Variants in DCAF10 observed in about 807,000 individuals in gnomAD.
DCAF10 encodes DDB1- and CUL4-associated factor 10.
In DCAF10, 19 loss-of-function variants were observed where a neutral mutation model predicts 51.9. The ratio of observed to expected loss-of-function variants is 0.37; its 90% confidence interval spans 0.26 to 0.54. The LOEUF (loss-of-function observed/expected upper bound fraction) is 0.54, where lower values mean the gene tolerates loss of function less well. DCAF10 is among the 20% of genes least tolerant of loss of function. The probability of loss-of-function intolerance (pLI) is 0.87; values close to 1 mark genes in which losing one functional copy is unlikely to be tolerated. For missense variants in DCAF10, 510 were observed against 730.6 expected, an observed-to-expected ratio of 0.70 and a Z score of 3.48; for synonymous variants, 291 against 297.1, an observed-to-expected ratio of 0.98 and a Z score of 0.21.
Position 37,861,117 on chromosome 9 carries a change from T to G in DCAF10, c.1312-23T>G, listed in dbSNP as rs1831001547. On this transcript the variant is annotated intron_variant, in intron 6 of 6. Transcript: ENST00000377724. The surrounding 1 kb of genome is among the most constrained non-coding windows in gnomAD (Gnocchi z 4.9). ...ACTATTTGGGCTCTGTAACCTTGGT[T>G]TGTCTCCCTTCTCTCCCCCTAGTGT... The G allele has an allele frequency of 2.5e-6, 4 of 1,582,970 alleles. No homozygotes were observed. The African/African-American group carries it at 4.0e-5, about 16-fold the overall frequency.
chr9:37,837,579 T>C (rs1406303674), intron 2 of DCAF10, among the ~76,000 whole-genome samples: 1 of 152,130 alleles, frequency 6.6e-6, no homozygotes, highest in African/African-American at 2.4e-5. Flanking sequence ...TGTTAGGAGA[T>C]GTCTGCTTTT....
chr9:37,801,469 C>T lies in DCAF10; in HGVS notation c.539+64C>T. 4 of 1,353,036 alleles carry T rather than the reference C, an allele frequency of 3.0e-6. No homozygotes were observed. Among genetic ancestry groups the T allele is most frequent in the Non-Finnish European group, 3.8e-6 (4 of 1,051,908 alleles). 83.8% of individuals were successfully genotyped at this position (1,353,036 alleles called of 1,614,324 possible). ...CCCGGCTCTGCTGCCAGCGGACGGCCGTCCTGGGCTCGCTCCCCGCGCCCG... is the reference window on the plus strand; with the variant it reads ...CCCGGCTCTGCTGCCAGCGGACGGCTGTCCTGGGCTCGCTCCCCGCGCCCG... On this transcript the variant is annotated intron_variant, in intron 1 of 6. Transcript: ENST00000377724. The surrounding 1 kb of genome is among the most constrained non-coding windows in gnomAD (Gnocchi z 5.5).
chr9:37,806,477 CT>C (rs1259094765), intron 1 of DCAF10, among the ~76,000 whole-genome samples: 2 of 152,180 alleles, frequency 1.3e-5, no homozygotes, highest in Non-Finnish European at 2.9e-5. Context: ...TCTGGCTTCC[CT>C]AAGAGTAGGG....
chr9:37,816,659 G>GGGGGTGTGTGTGT (rs372664140), intron 1 of DCAF10, among the ~76,000 whole-genome samples: 1 of 144,890 alleles, frequency 6.9e-6, no homozygotes, highest in African/African-American at 2.5e-5. Flanking sequence ...CTGCACCTGG[G>GGGGGTGTGTGTGT]GTGTGTGTGT....
intron 2 of DCAF10, among the ~76,000 whole-genome samples, chr9:37,820,893 A>T (rs2119059986): frequency 1.3e-5 from 2 of 152,290 alleles, no homozygotes; most frequent in South Asian, 4.1e-4. Flanking sequence ...ACTTTATTTT[A>T]AAAAATAAAT....
intron 3 of DCAF10, among the ~76,000 whole-genome samples, chr9:37,850,324 G>A (rs1830596000): frequency 6.6e-6 from 1 of 152,120 alleles, no homozygotes; most frequent in Non-Finnish European, 1.5e-5. Flanking sequence ...AAAGATATCT[G>A]CACTCTCATG....
At chr9:37,860,564 C>G (rs981978087) in intron 6 of DCAF10, 1 of 183,080 alleles carries the variant, frequency 5.5e-6, no homozygotes, top group Non-Finnish European at 1.1e-5. Context: ...TTCAGCTAAG[C>G]TGGCTAAATG....
At chr9:37,804,881 C>T (rs542014616) in intron 1 of DCAF10, among the ~76,000 whole-genome samples, 84 of 152,166 alleles carry the variant, frequency 5.5e-4, no homozygotes, top group African/African-American at 1.9e-3. Context: ...GTAATTATTT[C>T]AATATGCTAG....
intron 2 of DCAF10, chr9:37,836,077 C>CT: frequency 8.5e-7 from 1 of 1,174,012 alleles, no homozygotes; most frequent in Non-Finnish European, 1.3e-6. Flanking sequence ...GAATATTTTG[C>CT]TGTGCTTGAT....
Position 37,801,239 on chromosome 9 carries a change from G to T in DCAF10, c.373G>T (p.Gly125Trp). 6.3e-7 allele frequency: 1 copy of T among 1,581,078 alleles called. No homozygotes were observed. The highest frequency in any genetic ancestry group is 2.4e-5 in the East Asian group (1 of 41,866). ...GGGCGGCCCTGGCGCTAGGCTGTTC[G>T]GGTGGCTGAAAGAGCGCAGCCTGGG... ...GLGGPGARLF[G>W]WLKERSLGRG... The change falls in exon 1 of 7, where the codon GGG (glycine) becomes TGG (tryptophan). Residue 125 changes from glycine to tryptophan, a missense_variant. Transcript: ENST00000377724. This position sits in a 1 kb window ranked among gnomAD's most constrained non-coding sequence, Gnocchi z 5.5.
intron 1 of DCAF10, among the ~76,000 whole-genome samples, chr9:37,813,157 T>C (rs957513565): frequency 5.3e-5 from 8 of 152,094 alleles, no homozygotes; most frequent in Admixed American, 1.3e-4. Context: ...CTGGAGTTCA[T>C]TGGTGCTGTC....
rs1411428795 is a variant in DCAF10 at position 37,857,230 on chromosome 9, A to G, written c.1055-11A>G. 6.4e-7 allele frequency: 1 copy of G among 1,569,410 alleles called. No homozygotes were observed. On this transcript the variant is annotated splice_polypyrimidine_tract_variant and intron_variant, in intron 4 of 6. Coordinates refer to ENST00000377724, the MANE Select transcript of DCAF10 (RefSeq NM_024345.5). Reference sequence around the variant, plus strand: ...GCTAGGTTTATTGTCAGAATTTTTTATATTTTTAAGATTTGACCACTTCAT... The same window carrying G: ...GCTAGGTTTATTGTCAGAATTTTTTGTATTTTTAAGATTTGACCACTTCAT...
chr9:37,812,826 G>A (rs1212935333), intron 1 of DCAF10, among the ~76,000 whole-genome samples: 4 of 151,754 alleles, frequency 2.6e-5, no homozygotes, highest in South Asian at 2.1e-4. Context: ...TAGAGACAAG[G>A]GTCTCAGTTT....
intron 1 of DCAF10, among the ~76,000 whole-genome samples, chr9:37,817,841 A>AT (rs748901035): frequency 1.3e-5 from 2 of 152,200 alleles, no homozygotes; most frequent in African/African-American, 2.4e-5. Context: ...ATAGCTATTT[A>AT]TATGTCTTCA....
chr9:37,860,699 C>T (rs1390187601), intron 6 of DCAF10, among the ~76,000 whole-genome samples: 1 of 152,142 alleles, frequency 6.6e-6, no homozygotes, highest in Non-Finnish European at 1.5e-5. Flanking sequence ...TTATGATTCT[C>T]ATCACTCTGG....
intron 2 of DCAF10, among the ~76,000 whole-genome samples, chr9:37,828,644 ATAGTATG>A (rs1291239206): frequency 6.6e-6 from 1 of 152,120 alleles, no homozygotes; most frequent in East Asian, 1.9e-4. Flanking sequence ...GTGCATGCCT[ATAGTATG>A]TAGTCTTAAA....
intron 2 of DCAF10, chr9:37,836,407 G>A: frequency 6.2e-7 from 1 of 1,600,202 alleles, no homozygotes. Flanking sequence ...TAAAGCCTCA[G>A]GGAGGCCATT....
rs376076163 is a variant in DCAF10 at position 37,801,288 on chromosome 9, C to T, written c.422C>T (p.Ala141Val). The T allele has an allele frequency of 9.4e-6, 15 of 1,596,264 alleles. No homozygotes were observed. The Admixed American group carries it at 1.7e-4, about 18-fold the overall frequency. ...GGCCGCGGGCTGTTCGTGGACCCGG[C>T]GCGGGACAATTTTCGCACCATGACT... is the stretch of plus-strand genomic sequence containing the variant. Reference protein sequence around the residue: ...SLGRGLFVDPARDNFRTMTSL... With the variant: ...SLGRGLFVDPVRDNFRTMTSL... The change falls in exon 1 of 7, where the codon GCG (alanine) becomes GTG (valine). Residue 141 changes from alanine to valine, a missense_variant. Around this residue, in one of 4 missense-constraint regions of DCAF10, gnomAD observed 251 missense variants for 227.9 expected, o/e 1.10. Coordinates refer to ENST00000377724, the MANE Select transcript of DCAF10 (RefSeq NM_024345.5). This position sits in a 1 kb window ranked among gnomAD's most constrained non-coding sequence, Gnocchi z 5.5.
chr9:37,827,123 G>A (rs1476742668), intron 2 of DCAF10, among the ~76,000 whole-genome samples: 2 of 152,086 alleles, frequency 1.3e-5, no homozygotes, highest in East Asian at 3.8e-4. Context: ...ACTGCGCCCG[G>A]CCACCACAAT....
Sources: allele counts gnomAD v4.1 joint callset (sites outside exome capture counted in the v4.1 genomes callset), GRCh38; gene constraint gnomAD v4.1.1; regional missense constraint gnomAD v4.1.1; non-coding constraint Gnocchi (gnomAD v3.1); transcripts MANE v1.5; gene names NCBI Gene and HGNC (gene_info 2026-07-23, HGNC 2026-07-21).